Variants in ZNF704 observed in about 807,000 individuals in gnomAD.
The protein encoded by ZNF704 is glucocorticoid induced gene 1.
A neutral mutation model predicts 44.7 loss-of-function variants in ZNF704; 10 were observed. The observed-to-expected ratio is 0.22, with a 90% CI of 0.14 to 0.38. The LOEUF is 0.38. Among genes scored for constraint, ZNF704 ranks in the 10% least tolerant of loss-of-function variants. The pLI is 1.00. For missense variants in ZNF704, 390 were observed against 545.5 expected (o/e 0.71, Z 2.84); for synonymous variants, 211 against 207.6 (o/e 1.02, Z -0.14).
chr8:80,773,180 G>T lies in ZNF704; in HGVS notation c.221+48194C>A, dbSNP rs1807353469. Among the ~76,000 whole-genome samples the T allele has an allele frequency of 2.0e-5, 3 of 152,200 alleles. No homozygotes were observed. The South Asian group carries it at 6.2e-4, about 32-fold the overall frequency. On this transcript the variant is annotated intron_variant, in intron 2 of 8. Coordinates refer to ENST00000327835, the MANE Select transcript of ZNF704 (RefSeq NM_001033723.3). ...TTAAGGCCCATGGTATGGACTGTTT[G>T]TTTCACTGTTTTTTATTTCTGTTTT...
At chr8:80,810,863 C>A (rs1422096983) in intron 2 of ZNF704, among the ~76,000 whole-genome samples, 1 of 152,168 alleles carries the variant, frequency 6.6e-6, no homozygotes, top group African/African-American at 2.4e-5. Flanking sequence ...TACTGCCTGG[C>A]CCACAGTTGA....
intron 2 of ZNF704, among the ~76,000 whole-genome samples, chr8:80,815,016 G>C (rs1425130097): frequency 1.8e-4 from 28 of 152,144 alleles, no homozygotes; most frequent in Admixed American, 1.8e-3. Flanking sequence ...GTTTCCCATC[G>C]TATTTATAGG....
intron 2 of ZNF704, among the ~76,000 whole-genome samples, chr8:80,720,128 A>T (rs1044235892): frequency 2.0e-5 from 3 of 152,166 alleles, no homozygotes; most frequent in Non-Finnish European, 4.4e-5. Context: ...TTCCCACTGC[A>T]TTCCCCCTGC....
intron 1 of ZNF704, among the ~76,000 whole-genome samples, chr8:80,823,543 G>A (rs950677021): frequency 8.1e-4 from 123 of 152,208 alleles, no homozygotes; most frequent in African/African-American, 2.8e-3. Flanking sequence ...AGACTTACAC[G>A]TCCCTGTCTG....
intron 1 of ZNF704, among the ~76,000 whole-genome samples, chr8:80,867,073 ATCT>A (rs1809168371): frequency 6.6e-6 from 1 of 152,162 alleles, no homozygotes; most frequent in Non-Finnish European, 1.5e-5. Flanking sequence ...TGGTAATGAC[ATCT>A]TCTAGGCAAG....
chr8:80,762,720 T>C (rs901289874), intron 2 of ZNF704, among the ~76,000 whole-genome samples: 1 of 152,122 alleles, frequency 6.6e-6, no homozygotes, highest in Non-Finnish European at 1.5e-5. Flanking sequence ...TTCCCAACAG[T>C]CCTCCAAAGT....
At chr8:80,713,095 C>T (rs1462733544) in intron 2 of ZNF704, among the ~76,000 whole-genome samples, 1 of 151,998 alleles carries the variant, frequency 6.6e-6, no homozygotes, top group Non-Finnish European at 1.5e-5. Context: ...TGAGGTTTCA[C>T]CATTTTGGTC....
chr8:80,655,320 A>C (rs1012371360), intron 7 of ZNF704, among the ~76,000 whole-genome samples: 3 of 152,124 alleles, frequency 2.0e-5, no homozygotes, highest in Non-Finnish European at 4.4e-5. Context: ...ATGTACCCTA[A>C]AACTTTAATT....
chr8:80,754,646 A>T (rs1345446275), intron 2 of ZNF704, among the ~76,000 whole-genome samples: 1 of 152,214 alleles, frequency 6.6e-6, no homozygotes, highest in Non-Finnish European at 1.5e-5. Context: ...CTCATTGCTC[A>T]GGTCTTAAAG....
intron 7 of ZNF704, among the ~76,000 whole-genome samples, chr8:80,648,017 G>T (rs918947096): frequency 1.3e-5 from 2 of 152,164 alleles, no homozygotes; most frequent in Non-Finnish European, 2.9e-5. Flanking sequence ...CGGCCTTCTC[G>T]CTGTGTCATC....
chr8:80,844,376 T>G (rs1808732571), intron 1 of ZNF704, among the ~76,000 whole-genome samples: 1 of 152,142 alleles, frequency 6.6e-6, no homozygotes, highest in Non-Finnish European at 1.5e-5. Context: ...TGGCCTCAGA[T>G]GGTGGAAAGA....
At chr8:80,726,519 T>C (rs183675348) in intron 2 of ZNF704, among the ~76,000 whole-genome samples, 1 of 152,286 alleles carries the variant, frequency 6.6e-6, no homozygotes, top group East Asian at 1.9e-4. Context: ...TCCTTTTCTG[T>C]TGGAGGTACA....
At chr8:80,844,807 G>T (rs1180192722) in intron 1 of ZNF704, among the ~76,000 whole-genome samples, 1 of 151,642 alleles carries the variant, frequency 6.6e-6, no homozygotes, top group Non-Finnish European at 1.5e-5. Flanking sequence ...TGAATGAGAA[G>T]CTTGAATTTT....
chr8:80,659,903 G>T (rs543261286), intron 6 of ZNF704, among the ~76,000 whole-genome samples: 6 of 149,252 alleles, frequency 4.0e-5, no homozygotes, highest in African/African-American at 1.0e-4. Context: ...GGTATAAAAA[G>T]AGATGGTTTT....
At chr8:80,794,000 A>G (rs940726232) in intron 2 of ZNF704, among the ~76,000 whole-genome samples, 2 of 152,202 alleles carry the variant, frequency 1.3e-5, no homozygotes, top group Non-Finnish European at 2.9e-5. Flanking sequence ...CATGGCAAAG[A>G]CATCATAAGA....
intron 1 of ZNF704, among the ~76,000 whole-genome samples, chr8:80,843,432 T>C (rs1003606563): frequency 1.1e-4 from 16 of 152,230 alleles, no homozygotes; most frequent in Non-Finnish European, 1.8e-4. Flanking sequence ...AGTTGAAGTC[T>C]CTTGTTCATG....
At chr8:80,790,380 G>A (rs1343072169) in intron 2 of ZNF704, among the ~76,000 whole-genome samples, 1 of 152,134 alleles carries the variant, frequency 6.6e-6, no homozygotes, top group Non-Finnish European at 1.5e-5. Flanking sequence ...TTCAGGAAGG[G>A]AAAATAGGAA....
At chr8:80,861,146 C>T (rs537604174) in intron 1 of ZNF704, among the ~76,000 whole-genome samples, 2 of 152,278 alleles carry the variant, frequency 1.3e-5, no homozygotes, top group Admixed American at 1.3e-4. Flanking sequence ...GAAACCAAAG[C>T]TTTATCTTGA....
At chr8:80,877,263 G>C (rs1474186844), upstream of ZNF704, among the ~76,000 whole-genome samples, 1 of 142,348 alleles carries the variant, frequency 7.0e-6, no homozygotes, top group African/African-American at 2.6e-5. Flanking sequence ...TGTCAAAAAA[G>C]AGGTTTCACC....
Sources: gnomAD v4.1 joint callset for allele counts (sites outside exome capture counted in the v4.1 genomes callset) on GRCh38, gnomAD v4.1.1 for gene constraint, MANE v1.5 for transcripts, NCBI Gene and HGNC (gene_info 2026-07-23, HGNC 2026-07-21) for gene names.